WDR72: variants seen among roughly 807,000 people sequenced by gnomAD.
WDR72 encodes WD repeat-containing protein 72.
WDR72 carries 120 observed loss-of-function variants against 124.2 expected under a neutral mutation model. That is an observed-to-expected ratio of 0.97 (90% CI 0.83 to 1.12). The LOEUF (loss-of-function observed/expected upper bound fraction) is 1.12. Among genes scored for constraint, WDR72 ranks in the 50% most tolerant of loss-of-function variants. The pLI is 0.00. For synonymous variants in WDR72, 452 were observed against 441.7 expected (o/e 1.02, Z -0.29); for missense variants, 1,387 against 1,278.8 (o/e 1.08, Z -1.29).
rs929097404 is a variant in WDR72, at chr15:53,516,486, T to C, written c.*1213A>G. 1.3e-5 allele frequency: 2 copies of C among 152,036 alleles called. No homozygotes were observed. The highest frequency in any genetic ancestry group is 4.8e-5 in the African/African-American group (2 of 41,436). 9.4% of individuals were successfully genotyped at this position (152,036 alleles called of 1,614,324 possible). The stretch of plus-strand genomic sequence containing the variant: ...TGAACTTCTCTGTTAGATACATACA[T>C]AGATATAGCTATATATCATATATTT... On this transcript the variant is annotated 3_prime_UTR_variant, in exon 20 of 20. Transcript: ENST00000360509.
At chr15:53,529,617 G>A (rs1035471726) in intron 18 of WDR72, among the ~76,000 whole-genome samples, 3 of 151,956 alleles carry the variant, frequency 2.0e-5, no homozygotes, top group East Asian at 1.9e-4. Context: ...GTTTCTCAGC[G>A]ATAAGGAGGT....
At chr15:53,656,863 T>C (rs2015437022) in intron 14 of WDR72, among the ~76,000 whole-genome samples, 1 of 152,084 alleles carries the variant, frequency 6.6e-6, no homozygotes, top group Admixed American at 6.6e-5. Flanking sequence ...TGGAGTGAAT[T>C]TGGACCCCAA....
At chr15:53,574,305 G>A (rs1894674301) in intron 18 of WDR72, among the ~76,000 whole-genome samples, 1 of 152,172 alleles carries the variant, frequency 6.6e-6, no homozygotes, top group South Asian at 2.1e-4. Context: ...CATAGACAAT[G>A]ACAGCCACTG....
chr15:53,644,802 C>A (rs539929011), intron 14 of WDR72, among the ~76,000 whole-genome samples: 1 of 152,010 alleles, frequency 6.6e-6, no homozygotes, highest in South Asian at 2.1e-4. Context: ...AAGGAGAAAG[C>A]CTTCAATCTG....
At chr15:53,640,997 ATTCATTTTT>A (rs1364757890) in intron 14 of WDR72, among the ~76,000 whole-genome samples, 2 of 151,906 alleles carry the variant, frequency 1.3e-5, no homozygotes, top group African/African-American at 4.8e-5. Context: ...TAGTAAAAAT[ATTCATTTTT>A]TTCATTTTTT....
chr15:53,569,136 C>T (rs1019735340), intron 18 of WDR72, among the ~76,000 whole-genome samples: 7 of 130,096 alleles, frequency 5.4e-5, no homozygotes, highest in Non-Finnish European at 9.4e-5. Context: ...TGAGATCATT[C>T]TCTTTCTCTG....
chr15:53,762,852 G>A (rs2019082826), upstream of WDR72: 1 of 152,220 alleles, frequency 6.6e-6, no homozygotes, highest in South Asian at 2.1e-4. Flanking sequence ...CCACAAAATG[G>A]GGGCAGAGAG....
In WDR72 at chr15:53,715,377, T is replaced by C. The variant is rs753361998; in HGVS notation, c.340-10A>G. On this transcript the variant is annotated splice_polypyrimidine_tract_variant and intron_variant, in intron 4 of 19. Transcript: ENST00000360509. ...ATGAGCAGTGGTAATACTACGTACA[T>C]GGAAAGCAAAGCAAACATTTAATTA... 3.1e-6 allele frequency: 5 copies of C among 1,614,032 alleles called. No individual in the cohort carries two copies. The highest frequency in any genetic ancestry group is 1.1e-5 in the South Asian group (1 of 91,078).
At chr15:53,690,695 A>G (rs946072039) in intron 13 of WDR72, among the ~76,000 whole-genome samples, 2 of 152,164 alleles carry the variant, frequency 1.3e-5, no homozygotes, top group African/African-American at 4.8e-5. Context: ...TAGTCTATGG[A>G]GATTCCTCCA....
intron 14 of WDR72, among the ~76,000 whole-genome samples, chr15:53,653,529 A>G (rs1443191751): frequency 1.3e-5 from 2 of 152,188 alleles, no homozygotes; most frequent in African/African-American, 4.8e-5. Context: ...ATGAGGCCAA[A>G]TAGTTGGGGA....
intron 13 of WDR72, among the ~76,000 whole-genome samples, chr15:53,685,851 C>T (rs1323590165): frequency 2.3e-5 from 3 of 133,010 alleles, no homozygotes; most frequent in Non-Finnish European, 4.7e-5. Context: ...ATCAGACTAA[C>T]AGCGGATCTC....
At chr15:53,527,113 A>C (rs1892161331) in intron 18 of WDR72, among the ~76,000 whole-genome samples, 1 of 152,132 alleles carries the variant, frequency 6.6e-6, no homozygotes, top group African/African-American at 2.4e-5. Flanking sequence ...TTGGCCAAAG[A>C]GAAGATGAAA....
intron 13 of WDR72, among the ~76,000 whole-genome samples, chr15:53,696,824 G>C (rs555976100): frequency 6.6e-6 from 1 of 152,308 alleles, no homozygotes; most frequent in East Asian, 1.9e-4. Context: ...CCCAACACGA[G>C]AATAAAGGAA....
At chr15:53,545,627 C>G (rs1893412372) in intron 18 of WDR72, among the ~76,000 whole-genome samples, 2 of 150,738 alleles carry the variant, frequency 1.3e-5, no homozygotes, top group African/African-American at 4.9e-5. Context: ...TCCAAAACAC[C>G]AAAAGCAATG....
chr15:53,533,384 A>ATGTT (rs10644569), intron 18 of WDR72, among the ~76,000 whole-genome samples: 1 of 151,710 alleles, frequency 6.6e-6, no homozygotes, highest in African/African-American at 2.4e-5. Flanking sequence ...ACCCATTAAG[A>ATGTT]TATACCCTCC....
chr15:53,715,291 A>G lies in WDR72; in HGVS notation c.416T>C (p.Ile139Thr), dbSNP rs2017671207. The G allele has an allele frequency of 6.2e-7, 1 of 1,614,160 alleles. No individual in the cohort carries two copies. The highest frequency in any genetic ancestry group is 8.5e-7 in the Non-Finnish European group (1 of 1,180,014). Reference sequence around the variant, plus strand: ...AACAACAGCCAAAGTTTTGGCATCAATTATAAGGACATCTTGATATTCTCC... The same window carrying G: ...AACAACAGCCAAAGTTTTGGCATCAGTTATAAGGACATCTTGATATTCTCC... ...CCGEYQDVLI[I>T]DAKTLAVVHS... The change falls in exon 5 of 20, where the codon ATT (isoleucine) becomes ACT (threonine). Residue 139 changes from isoleucine to threonine, a missense_variant. Coordinates refer to ENST00000360509, the MANE Select transcript of WDR72 (RefSeq NM_182758.4).
In WDR72 at chr15:53,518,895, T is replaced by C. The variant is rs117210557; in HGVS notation, c.3254-1141A>G. Among the ~76,000 whole-genome samples, 1,030 of 152,102 alleles carry C rather than the reference T, an allele frequency of 6.8e-3. 18 individuals are homozygous for C. The East Asian group carries it at 0.07, about 10-fold the overall frequency. The stretch of plus-strand genomic sequence containing the variant: ...TGACAATGATGTATATAGATCTACA[T>C]AGATAACCTGCCTTATAAAAACCAC... On this transcript the variant is annotated intron_variant, in intron 19 of 19. Coordinates refer to ENST00000360509, the MANE Select transcript of WDR72 (RefSeq NM_182758.4).
chr15:53,515,225 A>G lies in WDR72; in HGVS notation c.*2474T>C, dbSNP rs765782778. The G allele has an allele frequency of 4.6e-5, 7 of 151,954 alleles. No individual in the cohort carries two copies. The highest frequency in any genetic ancestry group is 1.0e-4 in the Non-Finnish European group (7 of 67,972). The allele number at this position is 151,954 out of a possible 1,614,324, so 9.4% of individuals were successfully genotyped here. On this transcript the variant is annotated 3_prime_UTR_variant, in exon 20 of 20. Transcript: ENST00000360509. ...TCCGGATACAAACACATTTGCTAAT[A>G]TAATCACTCCACTGGTTACCTAGGC...
At chr15:53,686,513 A>G (rs1055748028) in intron 13 of WDR72, among the ~76,000 whole-genome samples, 3 of 151,900 alleles carry the variant, frequency 2.0e-5, no homozygotes, top group African/African-American at 7.3e-5. Context: ...AGAGCTAACT[A>G]TCCTAAATAT....
Sources: gnomAD v4.1 joint callset for allele counts (sites outside exome capture counted in the v4.1 genomes callset) on GRCh38, gnomAD v4.1.1 for gene constraint, MANE v1.5 for transcripts, NCBI Gene and HGNC (gene_info 2026-07-23, HGNC 2026-07-21) for gene names.